The following CHTF8 variants were observed in gnomAD, a reference collection of about 807,000 sequenced individuals.
CHTF8 encodes the protein chromosome transmission fidelity protein 8 homolog.
CHTF8 carries 6 observed loss-of-function variants against 11.0 expected under a neutral mutation model. That is an observed-to-expected ratio of 0.55 (90% confidence interval 0.30 to 1.08). The LOEUF is 1.08. Among genes scored for constraint, CHTF8 ranks in the 50% least tolerant of loss-of-function variants. The probability of loss-of-function intolerance (pLI) is 0.07; values close to 1 mark genes in which losing one functional copy is unlikely to be tolerated. For synonymous variants in CHTF8, 53 were observed against 60.5 expected (o/e 0.88, Z 0.57); for missense variants, 140 against 153.1 (o/e 0.91, Z 0.45).
At position 69,119,285 on chromosome 16, in the gene CHTF8, G is replaced by A; in HGVS notation, c.*1140C>T. 1.4e-6 allele frequency: 1 copy of A among 703,098 alleles called. No individual in the cohort carries two copies. Among genetic ancestry groups the A allele is most frequent in the Non-Finnish European group, 2.6e-6 (1 of 385,032 alleles). 43.6% of individuals were successfully genotyped at this position (703,098 alleles called of 1,614,324 possible). On this transcript the variant is annotated 3_prime_UTR_variant, in exon 4 of 4. Transcript: ENST00000448552. ...CCAGCGGACCTTTGGAAGGTAGCTG[G>A]GTTTGATGCCAATGTGCCAGAAGAC...
In CHTF8 at chr16:69,119,212, A is replaced by G; in HGVS notation, c.*1213T>C. 2 of 703,048 alleles carry G rather than the reference A, an allele frequency of 2.8e-6. No individual in the cohort carries two copies. The highest frequency in any genetic ancestry group is 5.4e-5 in the East Asian group (2 of 37,288). The allele number at this position is 703,048 out of a possible 1,614,324, so 43.6% of individuals were successfully genotyped here. On this transcript the variant is annotated 3_prime_UTR_variant, in exon 4 of 4. Transcript: ENST00000448552. The stretch of plus-strand genomic sequence containing the variant: ...TGGGAAGTTAGCTGGGTTGGGGCCA[A>G]GTGGCCCAGAGGCTCTTGGGAAAAT...
intron 1 of CHTF8, among the ~76,000 whole-genome samples, chr16:69,123,925 T>TAAAAAAAAA (rs757493986): frequency 7.8e-5 from 6 of 76,962 alleles, no homozygotes; most frequent in Non-Finnish European, 1.3e-4. Flanking sequence ...CCATCTCTAC[T>TAAAAAAAAA]AAAAAAAAAA....
In CHTF8 at chr16:69,119,521, G is replaced by A. The variant is rs1239007746; in HGVS notation, c.*904C>T. 6 of 703,044 alleles carry A rather than the reference G, an allele frequency of 8.5e-6. No homozygotes were observed. The highest frequency in any genetic ancestry group is 8.0e-5 in the East Asian group (3 of 37,296). 43.6% of individuals were successfully genotyped at this position (703,044 alleles called of 1,614,324 possible). A position where few individuals can be genotyped will look rare whatever the true frequency, so the allele number is the denominator to read the frequency against. On this transcript the variant is annotated 3_prime_UTR_variant, in exon 4 of 4. Transcript: ENST00000448552. ...GCCAGGTACTCTTGCCATGGAGGAT[G>A]GGCTTGTGCCCATGTTTCCAGAAGC...
At chr16:69,121,922 G>A (rs1230210606) in intron 1 of CHTF8, among the ~76,000 whole-genome samples, 1 of 152,086 alleles carries the variant, frequency 6.6e-6, no homozygotes, top group Non-Finnish European at 1.5e-5. Context: ...ACCCACCTTG[G>A]CCTCCCAAAG....
intron 1 of CHTF8, among the ~76,000 whole-genome samples, chr16:69,126,846 C>A (rs1479382919): frequency 1.3e-5 from 2 of 152,210 alleles, no homozygotes; most frequent in African/African-American, 4.8e-5. Flanking sequence ...CTACTCCACA[C>A]AACTGTTTCT....
chr16:69,126,668 G>A (rs983413068), intron 1 of CHTF8, among the ~76,000 whole-genome samples: 4 of 152,236 alleles, frequency 2.6e-5, no homozygotes, highest in Non-Finnish European at 5.9e-5. Flanking sequence ...GGAACTTACA[G>A]ACTGCTCTGG....
Position 69,119,443 on chromosome 16 carries a change from G to A in CHTF8, c.*982C>T. On this transcript the variant is annotated 3_prime_UTR_variant, in exon 4 of 4. Transcript: ENST00000448552. ...AGCCCTTGACATGGGAGATGGATTT[G>A]GCCCTGGAAGGCCAATTCCCCGAGA... 1 of 702,976 alleles carries A rather than the reference G, an allele frequency of 1.4e-6. No individual in the cohort carries two copies. The highest frequency in any genetic ancestry group is 2.6e-6 in the Non-Finnish European group (1 of 385,008). 43.5% of individuals were successfully genotyped at this position (702,976 alleles called of 1,614,324 possible).
intron 1 of CHTF8, among the ~76,000 whole-genome samples, chr16:69,122,917 G>A (rs569352406): frequency 6.6e-6 from 1 of 151,798 alleles, no homozygotes; most frequent in South Asian, 2.1e-4. Flanking sequence ...GACCTCAGGT[G>A]ATCCACCCAC....
rs776038199 is a variant in CHTF8 at position 69,120,397 on chromosome 16, C to T, written c.*28G>A. 5 of 1,610,226 alleles carry T rather than the reference C, an allele frequency of 3.1e-6. No individual in the cohort carries two copies. The highest frequency in any genetic ancestry group is 4.2e-6 in the Non-Finnish European group (5 of 1,176,640). On this transcript the variant is annotated 3_prime_UTR_variant, in exon 4 of 4. Transcript: ENST00000448552. The surrounding 1 kb of genome is among the most constrained non-coding windows in gnomAD (Gnocchi z 4.0). The stretch of plus-strand genomic sequence containing the variant: ...CGGAGCACGAGTCCAAGGAGTTGGC[C>T]GCTCTCTAGGGAAAATCCGAGGTTC...
chr16:69,130,292 A>C (rs1354771481), intron 1 of CHTF8, among the ~76,000 whole-genome samples: 1 of 151,728 alleles, frequency 6.6e-6, no homozygotes, highest in African/African-American at 2.4e-5. Context: ...TAATAAAGCT[A>C]AACAACGTTT....
chr16:69,124,452 C>G (rs577514154), intron 1 of CHTF8, among the ~76,000 whole-genome samples: 25 of 152,180 alleles, frequency 1.6e-4, no homozygotes, highest in Non-Finnish European at 1.5e-5. Context: ...GAGATGGACT[C>G]TCACTCTGTT....
In CHTF8 at chr16:69,119,867, C is replaced by G; in HGVS notation, c.*558G>C. 1.4e-6 allele frequency: 1 copy of G among 701,518 alleles called. No homozygotes were observed. The highest frequency in any genetic ancestry group is 2.6e-6 in the Non-Finnish European group (1 of 384,962). The allele number at this position is 701,518 out of a possible 1,614,324, so 43.5% of individuals were successfully genotyped here. A position where few individuals can be genotyped will look rare whatever the true frequency, so the allele number is the denominator to read the frequency against. ...CCATTCCCAGAGGTTAACAGAACAC[C>G]GGCTCTCAGGTTAGGTCCAGATCCA... is the stretch of plus-strand genomic sequence containing the variant. On this transcript the variant is annotated 3_prime_UTR_variant, in exon 4 of 4. Coordinates refer to ENST00000448552, the MANE Select transcript of CHTF8 (RefSeq NM_001039690.5).
intron 1 of CHTF8, chr16:69,132,132 C>T: frequency 6.4e-6 from 1 of 155,810 alleles, no homozygotes; most frequent in Non-Finnish European, 1.4e-5. Flanking sequence ...GTCCTCCGCC[C>T]GCGCTCGGCC....
Position 69,120,494 on chromosome 16 carries a change from G to T in CHTF8, c.297C>A (p.Leu99=). The T allele has an allele frequency of 6.2e-7, 1 of 1,614,122 alleles. No homozygotes were observed. Among genetic ancestry groups the T allele is most frequent in the Non-Finnish European group, 8.5e-7 (1 of 1,180,018 alleles). Residue 99 remains leucine, a synonymous_variant, in exon 4 of 4, where the codon CTC becomes CTA. Coordinates refer to ENST00000448552, the MANE Select transcript of CHTF8 (RefSeq NM_001039690.5). This position sits in a 1 kb window ranked among gnomAD's most constrained non-coding sequence, Gnocchi z 4.0. ...TTTTGAAAAGGATCTTGTCTTTGAT[G>T]AGTGCTGTCACCAGGTACCGGGTGC... ...ETGTRYLVTA[L]IKDKILFKTR... is the part of the protein sequence containing the mutation.
At chr16:69,121,520 G>A (rs1312518028) in intron 1 of CHTF8, 27 bp from the exon 2 acceptor site, 3 of 1,415,104 alleles carry the variant, frequency 2.1e-6, no homozygotes, top group Non-Finnish European at 9.8e-7. Context: ...AGAGATTTAG[G>A]GTAATAACAA....
At position 69,119,679 on chromosome 16, in the gene CHTF8, A is replaced by G; in HGVS notation, c.*746T>C. On this transcript the variant is annotated 3_prime_UTR_variant, in exon 4 of 4. Coordinates refer to ENST00000448552, the MANE Select transcript of CHTF8 (RefSeq NM_001039690.5). Reference sequence around the variant, plus strand: ...TGCCCAAGAGGCCACCTGCTCTGGCATCTAGATTAGGGCCTGGGCCCAGGC... The same window carrying G: ...TGCCCAAGAGGCCACCTGCTCTGGCGTCTAGATTAGGGCCTGGGCCCAGGC... 1 of 674,736 alleles carries G rather than the reference A, an allele frequency of 1.5e-6. No individual in the cohort carries two copies. Among genetic ancestry groups the G allele is most frequent in the South Asian group, 1.6e-5 (1 of 64,472 alleles). The allele number at this position is 674,736 out of a possible 1,614,324, so 41.8% of individuals were successfully genotyped here. A position where few individuals can be genotyped will look rare whatever the true frequency, so the allele number is the denominator to read the frequency against.
intron 1 of CHTF8, among the ~76,000 whole-genome samples, chr16:69,127,417 CA>C (rs1294748831): frequency 6.6e-6 from 1 of 152,116 alleles, no homozygotes; most frequent in Non-Finnish European, 1.5e-5. Flanking sequence ...TCTAAGTCTT[CA>C]GTCTCAATTC....
rs375441522 is a variant in CHTF8, at chr16:69,118,421, G to C, written c.*2004C>G. On this transcript the variant is annotated 3_prime_UTR_variant, in exon 4 of 4. Coordinates refer to ENST00000448552, the MANE Select transcript of CHTF8 (RefSeq NM_001039690.5). ...AGCTGCCCAGGTCAGAGCTACGGAA[G>C]CATGGTCCGTTCACCAACGCCACGT... 6.2e-7 allele frequency: 1 copy of C among 1,613,210 alleles called. No homozygotes were observed. Among genetic ancestry groups the C allele is most frequent in the Non-Finnish European group, 8.5e-7 (1 of 1,179,144 alleles).
chr16:69,122,094 A>G (rs994637207), intron 1 of CHTF8, among the ~76,000 whole-genome samples: 3 of 152,078 alleles, frequency 2.0e-5, no homozygotes, highest in Non-Finnish European at 4.4e-5. Flanking sequence ...CCGACAACTA[A>G]TATTTATTAC....
Sources: gnomAD v4.1 joint callset for allele counts (sites outside exome capture counted in the v4.1 genomes callset) on GRCh38, gnomAD v4.1.1 for gene constraint, Gnocchi (gnomAD v3.1) non-coding constraint, MANE v1.5 for transcripts, NCBI Gene and HGNC (gene_info 2026-07-23, HGNC 2026-07-21) for gene names.